CDX2: variants seen among roughly 807,000 people sequenced by gnomAD.
CDX2 encodes homeobox protein CDX-2.
CDX2 carries 7 observed loss-of-function variants against 25.5 expected under a neutral mutation model. That is an observed-to-expected ratio of 0.27 (90% CI 0.16 to 0.52). The LOEUF is 0.52. Ranked by LOEUF, CDX2 falls within the 20% of genes least tolerant of loss-of-function variation. The pLI is 0.97. For missense variants in CDX2, 375 were observed against 431.4 expected (o/e 0.87, Z 1.16); for synonymous variants, 222 against 198.6 (o/e 1.12, Z -0.99).
At chr13:27,966,645 T>C (rs1271875406) in intron 1 of CDX2, among the ~76,000 whole-genome samples, 1 of 152,130 alleles carries the variant, frequency 6.6e-6, no homozygotes, top group Non-Finnish European at 1.5e-5. Context: ...GGCAACGCGA[T>C]GACCAGACCC....
rs1186317200 is a variant in CDX2, at chr13:27,969,182, C to T, written c.-176G>A. 3.6e-6 allele frequency: 2 copies of T among 557,930 alleles called. No homozygotes were observed. Among genetic ancestry groups the T allele is most frequent in the Non-Finnish European group, 6.3e-6 (2 of 319,686 alleles). The allele number at this position is 557,930 out of a possible 1,614,324, so 34.6% of individuals were successfully genotyped here. ...CTCTTCTGCCTCCGAGGCGGTCCCT[C>T]CCTCTGGCCTGCCTCCTCCCTCCCT... On this transcript the variant is annotated 5_prime_UTR_variant, in exon 1 of 3. Transcript: ENST00000381020.
rs1869130025 is a variant in CDX2, at chr13:27,963,005, G to A, written c.*110C>T. 2 of 1,335,430 alleles carry A rather than the reference G, an allele frequency of 1.5e-6. No homozygotes were observed. The highest frequency in any genetic ancestry group is 1.5e-5 in the African/African-American group (1 of 68,914). 82.7% of individuals were successfully genotyped at this position (1,335,430 alleles called of 1,614,324 possible). A position where few individuals can be genotyped will look rare whatever the true frequency, so the allele number is the denominator to read the frequency against. On this transcript the variant is annotated 3_prime_UTR_variant, in exon 3 of 3. Transcript: ENST00000381020. ...TTTTCCTCTGAGAGCCAGGTCTGTA[G>A]GTCTATGGCTGTGGGTGGGAGGGGA... is the stretch of plus-strand genomic sequence containing the variant.
Position 27,968,745 on chromosome 13 carries a change from C to A in CDX2, c.262G>T (p.Ala88Ser), listed in dbSNP as rs947168191. ...AGGCCGTGAGCCACGGCGTTGGCGG[C>A]GGCCGCGGCGCCTCCGGGCGCGTAG... ...NGYAPGGAAA[A>S]ANAVAHGLNG... The change falls in exon 1 of 3, where the codon GCC (alanine) becomes TCC (serine). Residue 88 changes from alanine to serine, a missense_variant. Physicochemically the swap from Ala to Ser is moderately conservative, Grantham distance 99. This residue lies in a region of CDX2 where 253 missense variants were observed against 247.5 expected (regional missense o/e 1.02). Coordinates refer to ENST00000381020, the MANE Select transcript of CDX2 (RefSeq NM_001265.6). 2.6e-4 allele frequency: 385 copies of A among 1,503,640 alleles called. 1 individual carries two copies. Among genetic ancestry groups the A allele is most frequent in the Non-Finnish European group, 3.3e-4 (376 of 1,133,858 alleles). 93.1% of individuals were successfully genotyped at this position (1,503,640 alleles called of 1,614,324 possible).
intron 1 of CDX2, 93 bp downstream of exon 1, chr13:27,968,373 C>G: frequency 2.2e-6 from 3 of 1,344,228 alleles, no homozygotes; most frequent in Non-Finnish European, 2.9e-6. Context: ...GCCCGGGACG[C>G]CCCTGTGCGC....
intron 1 of CDX2, 98 bp from the exon 2 acceptor site, chr13:27,965,113 C>T (rs1459554308): frequency 3.0e-6 from 4 of 1,341,400 alleles, no homozygotes; most frequent in Non-Finnish European, 2.1e-6. Context: ...TTCTCTTCCT[C>T]CACCACCCTG....
intron 2 of CDX2, among the ~76,000 whole-genome samples, chr13:27,963,948 T>A (rs1242962614): frequency 6.6e-6 from 1 of 152,224 alleles, no homozygotes; most frequent in Non-Finnish European, 1.5e-5. Context: ...ACAAAGAGAA[T>A]AGGTCTTTAA....
At position 27,968,628 on chromosome 13, in the gene CDX2, CCGGGTGGTG is replaced by C. The variant is rs756824349; in HGVS notation, c.370_378del (p.His124_Pro126del). 1.9e-6 allele frequency: 3 copies of C among 1,541,910 alleles called. No individual in the cohort carries two copies. The highest frequency in any genetic ancestry group is 1.7e-4 in the Middle Eastern group (1 of 5,828). ...CCAGAAGCGCAGGAAGGCGCGGCGGCCGGGTGGTGCGGGTGGTGATGCGGGTGGTGGTGC... is the reference window on the plus strand; with the variant it reads ...CCAGAAGCGCAGGAAGGCGCGGCGGCCGGGTGGTGATGCGGGTGGTGGTGC... On this transcript the variant is annotated inframe_deletion, in exon 1 of 3. Coordinates refer to ENST00000381020, the MANE Select transcript of CDX2 (RefSeq NM_001265.6).
In CDX2 at chr13:27,963,406, G is replaced by A. The variant is rs559794304; in HGVS notation, c.688-37C>T. 6.1e-6 allele frequency: 9 copies of A among 1,479,628 alleles called. No individual in the cohort carries two copies. The East Asian group carries it at 2.2e-4, about 37-fold the overall frequency. 91.7% of individuals were successfully genotyped at this position (1,479,628 alleles called of 1,614,324 possible). A position where few individuals can be genotyped will look rare whatever the true frequency, so the allele number is the denominator to read the frequency against. On this transcript the variant is annotated intron_variant, in intron 2 of 2. Transcript: ENST00000381020. The stretch of plus-strand genomic sequence containing the variant: ...AAGGTGGAGAAAAGCACATTGTGGT[G>A]AAGATGTGAGGGAAAAGAGGAACAG...
intron 1 of CDX2, among the ~76,000 whole-genome samples, chr13:27,965,460 G>C (rs891116109): frequency 6.6e-6 from 1 of 152,132 alleles, no homozygotes; most frequent in South Asian, 2.1e-4. Flanking sequence ...GTTGTAGAGG[G>C]GGTGTGGGGG....
Position 27,961,262 on chromosome 13 carries a change from G to A in CDX2, c.*1853C>T, listed in dbSNP as rs1173647993. ...GCGGAATTGGAGAGGTGCTGCAGAG[G>A]GTCTATACCTCTTGCTGTTTCCCGG... On this transcript the variant is annotated 3_prime_UTR_variant, in exon 3 of 3. Transcript: ENST00000381020. Among the ~76,000 whole-genome samples the A allele has an allele frequency of 1.3e-5, 2 of 152,236 alleles. No individual in the cohort carries two copies. Among genetic ancestry groups the A allele is most frequent in the African/African-American group, 4.8e-5 (2 of 41,456 alleles).
At chr13:27,968,075 C>G (rs991660570) in intron 1 of CDX2, among the ~76,000 whole-genome samples, 1 of 152,212 alleles carries the variant, frequency 6.6e-6, no homozygotes, top group African/African-American at 2.4e-5. Flanking sequence ...TTCGAGCCTC[C>G]CTCTCTCCTC....
chr13:27,963,685 C>T (rs1869181668), intron 2 of CDX2, among the ~76,000 whole-genome samples: 1 of 152,214 alleles, frequency 6.6e-6, no homozygotes, highest in Admixed American at 6.5e-5. Flanking sequence ...CCTTTCTACA[C>T]AGCAAAGGGA....
In CDX2 at chr13:27,962,488, C is replaced by T. The variant is rs1039349159; in HGVS notation, c.*627G>A. On this transcript the variant is annotated 3_prime_UTR_variant, in exon 3 of 3. Transcript: ENST00000381020. Reference sequence around the variant, plus strand: ...GGTCAGGCCTGGAGTCCAATAACCACCCCCTCATACCACACCCTGTGCATA... The same window carrying T: ...GGTCAGGCCTGGAGTCCAATAACCATCCCCTCATACCACACCCTGTGCATA... 6 of 233,094 alleles carry T rather than the reference C, an allele frequency of 2.6e-5. No individual in the cohort carries two copies. The highest frequency in any genetic ancestry group is 1.1e-4 in the African/African-American group (5 of 45,328). The allele number at this position is 233,094 out of a possible 1,614,324, so 14.4% of individuals were successfully genotyped here. A position where few individuals can be genotyped will look rare whatever the true frequency, so the allele number is the denominator to read the frequency against.
At position 27,964,395 on chromosome 13, in the gene CDX2, G is replaced by A. The variant is rs904874680; in HGVS notation, c.687+475C>T. On this transcript the variant is annotated intron_variant, in intron 2 of 2. Coordinates refer to ENST00000381020, the MANE Select transcript of CDX2 (RefSeq NM_001265.6). This position sits in a 1 kb window ranked among gnomAD's most constrained non-coding sequence, Gnocchi z 4.7. ...GCCTGCACAACAAGAGTGAAACTGC[G>A]TTTCGACGGTGGCGGGTGGGGGGGC... Among the ~76,000 whole-genome samples, 3 of 151,792 alleles carry A rather than the reference G, an allele frequency of 2.0e-5. No homozygotes were observed. The highest frequency in any genetic ancestry group is 6.6e-5 in the Admixed American group (1 of 15,250).
Position 27,968,488 on chromosome 13 carries a change from C to T in CDX2, c.519G>A (p.Ala173=). The change falls in exon 1 of 3, where the codon GCG becomes GCA. Residue 173 remains alanine, a synonymous_variant. Transcript: ENST00000381020. ...RNLCEWMRKP[A]QQSLGSQVKT... ...TACCTTGGCTGCCGAGGGACTGCTG[C>T]GCCGGCTTCCGCATCCACTCGCACA... is the stretch of plus-strand genomic sequence containing the variant. 1.9e-6 allele frequency: 3 copies of T among 1,559,316 alleles called. No individual in the cohort carries two copies. Among genetic ancestry groups the T allele is most frequent in the Non-Finnish European group, 2.6e-6 (3 of 1,164,924 alleles).
At position 27,961,226 on chromosome 13, in the gene CDX2, C is replaced by G. The variant is rs1309382323; in HGVS notation, c.*1889G>C. Among the ~76,000 whole-genome samples, 1 of 152,264 alleles carries G rather than the reference C, an allele frequency of 6.6e-6. No individual in the cohort carries two copies. Among genetic ancestry groups the G allele is most frequent in the African/African-American group, 2.4e-5 (1 of 41,474 alleles). The stretch of plus-strand genomic sequence containing the variant: ...CCAATCCTGGAGCTGTATACGCCAC[C>G]CGGAAGGGCCGCGGAATTGGAGAGG... On this transcript the variant is annotated 3_prime_UTR_variant, in exon 3 of 3. Coordinates refer to ENST00000381020, the MANE Select transcript of CDX2 (RefSeq NM_001265.6).
rs1245309557 is a variant in CDX2 at position 27,961,435 on chromosome 13, CA to C, written c.*1679del. 3.9e-5 allele frequency among the ~76,000 whole-genome samples: 6 copies of C among 152,284 alleles called. No homozygotes were observed. The highest frequency in any genetic ancestry group is 7.2e-5 in the African/African-American group (3 of 41,568). On this transcript the variant is annotated 3_prime_UTR_variant, in exon 3 of 3. Transcript: ENST00000381020. ...AGTTCAGCTCGGCGGCCTCCAGGAT[CA>C]AAAATTTTAAAGGCTGCAGCCCGGT...
At chr13:27,967,738 C>T (rs1168522068) in intron 1 of CDX2, among the ~76,000 whole-genome samples, 1 of 152,240 alleles carries the variant, frequency 6.6e-6, no homozygotes, top group Non-Finnish European at 1.5e-5. Context: ...CTCCCCGTCT[C>T]CCTGCTCTCT....
In CDX2 at chr13:27,961,233, G is replaced by A. The variant is rs1481124066; in HGVS notation, c.*1882C>T. 6.6e-6 allele frequency among the ~76,000 whole-genome samples: 1 copy of A among 152,248 alleles called. No individual in the cohort carries two copies. Among genetic ancestry groups the A allele is most frequent in the African/African-American group, 2.4e-5 (1 of 41,468 alleles). On this transcript the variant is annotated 3_prime_UTR_variant, in exon 3 of 3. Coordinates refer to ENST00000381020, the MANE Select transcript of CDX2 (RefSeq NM_001265.6). ...TGGAGCTGTATACGCCACCCGGAAG[G>A]GCCGCGGAATTGGAGAGGTGCTGCA...
Sources: allele counts gnomAD v4.1 joint callset (sites outside exome capture counted in the v4.1 genomes callset), GRCh38; gene constraint gnomAD v4.1.1; regional missense constraint gnomAD v4.1.1; non-coding constraint Gnocchi (gnomAD v3.1); transcripts MANE v1.5; gene names NCBI Gene and HGNC (gene_info 2026-07-23, HGNC 2026-07-21).